The following LMBRD1 variants were observed in gnomAD, a reference collection of about 807,000 sequenced individuals.
LMBRD1 encodes lysosomal cobalamin transport escort protein LMBD1.
In LMBRD1, 64 loss-of-function variants were observed where a neutral mutation model predicts 74.8. The ratio of observed to expected loss-of-function variants is 0.86; its 90% confidence interval spans 0.70 to 1.05. LMBRD1 has a LOEUF of 1.05. LMBRD1 is among the 50% of genes least tolerant of loss of function. LMBRD1 has a pLI of 0.00. For synonymous variants in LMBRD1, 204 were observed against 216.3 expected (o/e 0.94, Z 0.50); for missense variants, 652 against 645.9 (o/e 1.01, Z -0.10).
intron 9 of LMBRD1, among the ~76,000 whole-genome samples, chr6:69,704,177 G>T (rs1766197896): frequency 6.6e-6 from 1 of 151,970 alleles, no homozygotes; most frequent in Non-Finnish European, 1.5e-5. Context: ...TTCCCCCTCT[G>T]TAATTAATAT....
At chr6:69,714,780 A>T (rs1195721872) in intron 8 of LMBRD1, among the ~76,000 whole-genome samples, 1 of 152,144 alleles carries the variant, frequency 6.6e-6, no homozygotes, top group Non-Finnish European at 1.5e-5. Context: ...ACACAGTTAC[A>T]ACAATCTCTT....
chr6:69,757,103 G>C (rs1268872638), intron 3 of LMBRD1, among the ~76,000 whole-genome samples: 1 of 152,148 alleles, frequency 6.6e-6, no homozygotes, highest in Non-Finnish European at 1.5e-5. Context: ...CAAACTGAGT[G>C]ATATATTCAC....
intron 3 of LMBRD1, among the ~76,000 whole-genome samples, chr6:69,763,306 C>T (rs1035823630): frequency 6.0e-5 from 9 of 150,862 alleles, no homozygotes; most frequent in African/African-American, 2.2e-4. Flanking sequence ...AGCCTATCCA[C>T]ATTGCAAAAA....
intron 7 of LMBRD1, among the ~76,000 whole-genome samples, chr6:69,723,179 A>G (rs1766654751): frequency 1.3e-5 from 2 of 152,122 alleles, no homozygotes; most frequent in South Asian, 4.1e-4. Context: ...TATAAAGCAA[A>G]TATTATTAGA....
Position 69,700,881 on chromosome 6 carries a change from A to G in LMBRD1, c.1084-12T>C. The G allele has an allele frequency of 7.4e-7, 1 of 1,343,524 alleles. No individual in the cohort carries two copies. The highest frequency in any genetic ancestry group is 1.3e-5 in the South Asian group (1 of 75,472). 83.2% of individuals were successfully genotyped at this position (1,343,524 alleles called of 1,614,324 possible). ...TCAAGAGGGAAAACCTGAAAAAAAA[A>G]GATGAAATTAAATTTAACATATAAA... On this transcript the variant is annotated splice_polypyrimidine_tract_variant and intron_variant, in intron 11 of 15. Transcript: ENST00000649934.
At chr6:69,758,865 T>C (rs1765319083) in intron 3 of LMBRD1, among the ~76,000 whole-genome samples, 2 of 152,100 alleles carry the variant, frequency 1.3e-5, no homozygotes, top group Non-Finnish European at 2.9e-5. Context: ...GATAATATCA[T>C]GAGGTGCCAC....
intron 5 of LMBRD1, among the ~76,000 whole-genome samples, chr6:69,743,198 T>G (rs893905484): frequency 1.3e-5 from 2 of 152,148 alleles, no homozygotes. Context: ...AAAAGTATGC[T>G]CTGAACTTGT....
In LMBRD1 at chr6:69,717,389, A is replaced by G. The variant is rs182020356; in HGVS notation, c.762+1567T>C. ...TAACAAGGATACTAACATTACTCCT[A>G]TATTTGACGTTAATGGGAATGTTTC... On this transcript the variant is annotated intron_variant, in intron 8 of 15. Transcript: ENST00000649934. Among the ~76,000 whole-genome samples, 32 of 152,258 alleles carry G rather than the reference A, an allele frequency of 2.1e-4. No individual in the cohort carries two copies. In the East Asian group the frequency reaches 4.4e-3, roughly 21 times the overall value.
At chr6:69,757,423 A>G (rs192885734) in intron 3 of LMBRD1, among the ~76,000 whole-genome samples, 47 of 152,318 alleles carry the variant, frequency 3.1e-4, no homozygotes, top group African/African-American at 1.1e-3. Flanking sequence ...ATATCCCTCT[A>G]GTAGTCAATG....
intron 14 of LMBRD1, among the ~76,000 whole-genome samples, chr6:69,687,063 T>A (rs1765778864): frequency 6.6e-6 from 1 of 152,164 alleles, no homozygotes; most frequent in Admixed American, 6.5e-5. Flanking sequence ...ATCATGCCAT[T>A]CCTCTGTTGA....
intron 1 of LMBRD1, among the ~76,000 whole-genome samples, chr6:69,791,139 G>A (rs1302046145): frequency 6.6e-6 from 1 of 152,192 alleles, no homozygotes; most frequent in African/African-American, 2.4e-5. Flanking sequence ...CCATTCTAGT[G>A]ACTAACACAG....
At chr6:69,716,247 C>G (rs1461233006) in intron 8 of LMBRD1, among the ~76,000 whole-genome samples, 1 of 152,120 alleles carries the variant, frequency 6.6e-6, no homozygotes, top group Non-Finnish European at 1.5e-5. Context: ...AGTGTTTAAG[C>G]CTTCTCTTTT....
In LMBRD1 at chr6:69,796,860, A is replaced by G; in HGVS notation, c.22T>C (p.Ser8Pro). 6.2e-7 allele frequency: 1 copy of G among 1,613,730 alleles called. No individual in the cohort carries two copies. The highest frequency in any genetic ancestry group is 8.5e-7 in the Non-Finnish European group (1 of 1,179,848). Residue 8 changes from serine (S) to proline (P), a missense_variant, in exon 1 of 16, where the codon TCG becomes CCG. This residue lies in a region of LMBRD1 where 598 missense variants were observed against 581.8 expected (regional missense o/e 1.03). Transcript: ENST00000649934. Reference protein sequence around the residue: MATSGAASAELVIGWCIF... With the variant: MATSGAAPAELVIGWCIF... The stretch of plus-strand genomic sequence containing the variant: ...CACCAGCCGATCACCAGCTCCGCCG[A>G]GGCCGCGCCAGAAGTCGCCATCTTC...
At chr6:69,705,827 T>TAA in intron 9 of LMBRD1, 1 of 1,272,224 alleles carries the variant, frequency 7.9e-7, no homozygotes. Flanking sequence ...TGTTGTTCAC[T>TAA]AATATGCACT....
At chr6:69,751,625 G>A (rs1404391060) in intron 4 of LMBRD1, among the ~76,000 whole-genome samples, 2 of 151,842 alleles carry the variant, frequency 1.3e-5, no homozygotes, top group African/African-American at 4.8e-5. Flanking sequence ...ACAGCGCCTG[G>A]CCAAAAAAAA....
chr6:69,761,333 T>C (rs1290626962), intron 3 of LMBRD1, among the ~76,000 whole-genome samples: 1 of 152,180 alleles, frequency 6.6e-6, no homozygotes, highest in Non-Finnish European at 1.5e-5. Context: ...AAAAAAAAAT[T>C]GTTAAATAAA....
At chr6:69,736,426 G>C (rs1337983343) in intron 7 of LMBRD1, among the ~76,000 whole-genome samples, 4 of 152,024 alleles carry the variant, frequency 2.6e-5, no homozygotes, top group African/African-American at 4.8e-5. Context: ...AAGGGAACTG[G>C]GACTCCGGGA....
rs1246042674 is a variant in LMBRD1, at chr6:69,738,001, A to G, written c.577T>C (p.Leu193=). The G allele has an allele frequency of 1.2e-6, 2 of 1,609,034 alleles. No homozygotes were observed. The highest frequency in any genetic ancestry group is 1.7e-6 in the Non-Finnish European group (2 of 1,176,864). Reference sequence around the variant, plus strand: ...GTCAGAGAACTGATAGAAAATGACAATGCAGCTAAACCATCTGTGAAGAAA... The same window carrying G: ...GTCAGAGAACTGATAGAAAATGACAGTGCAGCTAAACCATCTGTGAAGAAA... The part of the protein sequence containing the change: ...ELGSSHGLAA[L]SFSISSLTLI... Residue 193 remains leucine (L), a synonymous_variant, in exon 7 of 16, where the codon TTG becomes CTG. Transcript: ENST00000649934.
chr6:69,721,979 G>A lies in LMBRD1; in HGVS notation c.637-2898C>T, dbSNP rs534555270. Reference sequence around the variant, plus strand: ...ACAGGGAGAGACTCCTCTGCCTGTGGAAAGGGGAGGGAAGAGCAAGTAGGA... The same window carrying A: ...ACAGGGAGAGACTCCTCTGCCTGTGAAAAGGGGAGGGAAGAGCAAGTAGGA... On this transcript the variant is annotated intron_variant, in intron 7 of 15. Coordinates refer to ENST00000649934, the MANE Select transcript of LMBRD1 (RefSeq NM_018368.4). Among the ~76,000 whole-genome samples, 23 of 152,264 alleles carry A rather than the reference G, an allele frequency of 1.5e-4. 1 individual carries two copies. The highest frequency in any genetic ancestry group is 2.9e-4 in the Non-Finnish European group (20 of 68,024).
Sources: allele counts gnomAD v4.1 joint callset (sites outside exome capture counted in the v4.1 genomes callset), GRCh38; gene constraint gnomAD v4.1.1; regional missense constraint gnomAD v4.1.1; transcripts MANE v1.5; gene names NCBI Gene and HGNC (gene_info 2026-07-23, HGNC 2026-07-21).